Variants in LRRC46 observed in about 807,000 individuals in gnomAD.
LRRC46 encodes the protein leucine-rich repeat-containing protein 46.
Under a neutral mutation model 28.0 loss-of-function variants are expected in LRRC46, and 20 were observed. That is an observed-to-expected ratio of 0.71 (90% CI 0.50 to 1.04). The LOEUF (loss-of-function observed/expected upper bound fraction) is 1.04, where lower values mean the gene tolerates loss of function less well. Among genes scored for constraint, LRRC46 ranks in the 50% least tolerant of loss-of-function variants. The pLI is 0.00. For missense variants in LRRC46, 315 were observed against 390.1 expected (o/e 0.81, Z 1.62); for synonymous variants, 156 against 158.8 (o/e 0.98, Z 0.13).
rs1284583014 is a variant in LRRC46 at position 47,837,705 on chromosome 17, A to G, written c.*585A>G. 1.9e-6 allele frequency: 2 copies of G among 1,067,170 alleles called. No individual in the cohort carries two copies. The highest frequency in any genetic ancestry group is 1.8e-5 in the South Asian group (1 of 54,138). The allele number at this position is 1,067,170 out of a possible 1,614,324, so 66.1% of individuals were successfully genotyped here. A position where few individuals can be genotyped will look rare whatever the true frequency, so the allele number is the denominator to read the frequency against. ...GTTCACTGAAGAGAAAATAAAGCACATTTATTAAGGCAAAGGCCAAGCTGG... is the reference window on the plus strand; with the variant it reads ...GTTCACTGAAGAGAAAATAAAGCACGTTTATTAAGGCAAAGGCCAAGCTGG... On this transcript the variant is annotated 3_prime_UTR_variant, in exon 8 of 8. Coordinates refer to ENST00000269025, the MANE Select transcript of LRRC46 (RefSeq NM_033413.4).
At position 47,837,350 on chromosome 17, in the gene LRRC46, G is replaced by A. The variant is rs1567954662; in HGVS notation, c.*230G>A. On this transcript the variant is annotated 3_prime_UTR_variant, in exon 8 of 8. Transcript: ENST00000269025. Reference sequence around the variant, plus strand: ...AAAGAGCGAGTCTGGAATCTTTCGGGAGCTACCCACAGGGCAGGCATGCCT... The same window carrying A: ...AAAGAGCGAGTCTGGAATCTTTCGGAAGCTACCCACAGGGCAGGCATGCCT... 6.8e-6 allele frequency: 4 copies of A among 589,890 alleles called. No individual in the cohort carries two copies. The East Asian group carries it at 1.4e-4, about 21-fold the overall frequency. 36.5% of individuals were successfully genotyped at this position (589,890 alleles called of 1,614,324 possible). A position where few individuals can be genotyped will look rare whatever the true frequency, so the allele number is the denominator to read the frequency against.
In LRRC46 at chr17:47,837,585, A is replaced by G; in HGVS notation, c.*465A>G. 2.0e-6 allele frequency: 1 copy of G among 501,682 alleles called. No homozygotes were observed. The highest frequency in any genetic ancestry group is 3.5e-6 in the Non-Finnish European group (1 of 288,378). The allele number at this position is 501,682 out of a possible 1,614,324, so 31.1% of individuals were successfully genotyped here. On this transcript the variant is annotated 3_prime_UTR_variant, in exon 8 of 8. Transcript: ENST00000269025. Reference sequence around the variant, plus strand: ...CCCAGTCCCCATCACTCACCCACTCATAGGAATGAGTACACAACCACAGGC... The same window carrying G: ...CCCAGTCCCCATCACTCACCCACTCGTAGGAATGAGTACACAACCACAGGC...
chr17:47,832,845 T>C lies in LRRC46; in HGVS notation c.116+640T>C, dbSNP rs534131932. Among the ~76,000 whole-genome samples the C allele has an allele frequency of 3.9e-5, 6 of 152,354 alleles. No homozygotes were observed. In the East Asian group the frequency reaches 9.6e-4, roughly 24 times the overall value. On this transcript the variant is annotated intron_variant, in intron 2 of 7. Coordinates refer to ENST00000269025, the MANE Select transcript of LRRC46 (RefSeq NM_033413.4). The stretch of plus-strand genomic sequence containing the variant: ...ACAAATCTAATCAGGCATTCACTGA[T>C]AGAAACTTCCTCCCAAATAAATCCC...
Position 47,834,496 on chromosome 17 carries a change from A to G in LRRC46, c.188A>G (p.Glu63Gly). 1 of 1,613,508 alleles carries G rather than the reference A, an allele frequency of 6.2e-7. No individual in the cohort carries two copies. The highest frequency in any genetic ancestry group is 8.5e-7 in the Non-Finnish European group (1 of 1,179,568). Residue 63 changes from glutamate to glycine, a missense_variant, in exon 3 of 8, where the codon GAA (glutamate) becomes GGA (glycine). By Grantham distance (98) the Glu-to-Gly change is moderately conservative. Transcript: ENST00000269025. ...GGGATTACTACTATCAGGAACTTAG[A>G]AGGCCTCCAGAATCTTCACAGTCTC... The part of the protein sequence containing the change: ...REGITTIRNL[E>G]GLQNLHSLYL...
Position 47,837,211 on chromosome 17 carries a change from A to G in LRRC46, c.*91A>G, listed in dbSNP as rs1243062231. On this transcript the variant is annotated 3_prime_UTR_variant, in exon 8 of 8. Coordinates refer to ENST00000269025, the MANE Select transcript of LRRC46 (RefSeq NM_033413.4). ...CCTGTGACAGAAGCCCATCCCCAGT[A>G]AAGTGTCTCTAGGCCCTGAGTATGC... 4.6e-6 allele frequency: 7 copies of G among 1,528,126 alleles called. No individual in the cohort carries two copies. The highest frequency in any genetic ancestry group is 2.2e-5 in the Admixed American group (1 of 44,814). The allele number at this position is 1,528,126 out of a possible 1,614,324, so 94.7% of individuals were successfully genotyped here.
Position 47,836,572 on chromosome 17 carries a change from G to T in LRRC46, c.595+97G>T. The T allele has an allele frequency of 6.5e-7, 1 of 1,536,736 alleles. No homozygotes were observed. Among genetic ancestry groups the T allele is most frequent in the Non-Finnish European group, 8.8e-7 (1 of 1,138,206 alleles). On this transcript the variant is annotated intron_variant, in intron 7 of 7. Coordinates refer to ENST00000269025, the MANE Select transcript of LRRC46 (RefSeq NM_033413.4). The surrounding 1 kb of genome is among the most constrained non-coding windows in gnomAD (Gnocchi z 5.8). Reference sequence around the variant, plus strand: ...AGGTGGCAGTGGCGTCCGGGGAGGGGAGCCCCAAGTTCAGATCAACATCTG... The same window carrying T: ...AGGTGGCAGTGGCGTCCGGGGAGGGTAGCCCCAAGTTCAGATCAACATCTG...
Position 47,837,059 on chromosome 17 carries a change from A to G in LRRC46, c.905A>G (p.Lys302Arg). 1 of 1,607,758 alleles carries G rather than the reference A, an allele frequency of 6.2e-7. No individual in the cohort carries two copies. The highest frequency in any genetic ancestry group is 8.5e-7 in the Non-Finnish European group (1 of 1,178,502). Reference sequence around the variant, plus strand: ...GGGGCACGAGCAGCCACAGCCCCCAAGGCCTCTGTGGCTGAGGCCCCCAGC... The same window carrying G: ...GGGGCACGAGCAGCCACAGCCCCCAGGGCCTCTGTGGCTGAGGCCCCCAGC... Reference protein sequence around the residue: ...RKGARAATAPKASVAEAPSTT... With the variant: ...RKGARAATAPRASVAEAPSTT... The change falls in exon 8 of 8, where the codon AAG becomes AGG. Residue 302 changes from lysine to arginine, a missense_variant. Coordinates refer to ENST00000269025, the MANE Select transcript of LRRC46 (RefSeq NM_033413.4).
intron 2 of LRRC46, 76 bp downstream of exon 2, chr17:47,832,281 T>C: frequency 2.9e-6 from 3 of 1,048,106 alleles, no homozygotes; most frequent in Non-Finnish European, 4.1e-6. Flanking sequence ...CGTGTACTGA[T>C]TTGTCAACTG....
In LRRC46 at chr17:47,836,518, C is replaced by T. The variant is rs2033699338; in HGVS notation, c.595+43C>T. 1 of 1,603,556 alleles carries T rather than the reference C, an allele frequency of 6.2e-7. No individual in the cohort carries two copies. The highest frequency in any genetic ancestry group is 2.2e-5 in the East Asian group (1 of 44,768). ...GGTTTTCAGCCTCCCCAGAGCCCAC[C>T]TCTGCCCTGTGGGACATGAGGGAAG... On this transcript the variant is annotated intron_variant, in intron 7 of 7. Transcript: ENST00000269025. This position sits in a 1 kb window ranked among gnomAD's most constrained non-coding sequence, Gnocchi z 5.8.
chr17:47,835,539 GA>G (rs750458049), intron 4 of LRRC46, 126 bp from the exon 5 acceptor site: 173 of 1,360,330 alleles, frequency 1.3e-4, no homozygotes, highest in Non-Finnish European at 1.8e-4. Context: ...CCTCACCCCA[GA>G]AGGCCATGTG....
rs758576611 is a variant in LRRC46, at chr17:47,835,373, G to C, written c.246G>C (p.Glu82Asp). Reference protein sequence around the residue: ...YLQGNKIQQIENLACIPSLRF... With the variant: ...YLQGNKIQQIDNLACIPSLRF... ...TGCAGAATAAGATCCAGCAAATTGA[G>C]AACCTGGCTTGCATCCCCTCCTTGC... The change falls in exon 4 of 8, where the codon GAG (glutamate) becomes GAC (aspartate). Residue 82 changes from glutamate (E) to aspartate (D), a missense_variant. By Grantham distance (45) the Glu-to-Asp change is conservative. Transcript: ENST00000269025. The C allele has an allele frequency of 1.9e-6, 3 of 1,614,192 alleles. No homozygotes were observed. Among genetic ancestry groups the C allele is most frequent in the Non-Finnish European group, 2.5e-6 (3 of 1,180,042 alleles).
rs747068804 is a variant in LRRC46, at chr17:47,835,275, T to C, written c.226-78T>C. On this transcript the variant is annotated intron_variant, in intron 3 of 7. Coordinates refer to ENST00000269025, the MANE Select transcript of LRRC46 (RefSeq NM_033413.4). ...CTCCAGCTGCAGAGTAGACATGGTC[T>C]TGGGGCTTTGTCCCCGTAAAGGGCC... 12 of 1,442,664 alleles carry C rather than the reference T, an allele frequency of 8.3e-6. No individual in the cohort carries two copies. In the Admixed American group the frequency reaches 1.8e-4, roughly 22 times the overall value. 89.4% of individuals were successfully genotyped at this position (1,442,664 alleles called of 1,614,324 possible).
At position 47,836,287 on chromosome 17, in the gene LRRC46, C is replaced by T. The variant is rs11654648; in HGVS notation, c.453-46C>T. Reference sequence around the variant, plus strand: ...GTGGTGCGTGTCTTTGCATCCTCCACGCCAGGGTGCCCTCCTGGGTAACCT... The same window carrying T: ...GTGGTGCGTGTCTTTGCATCCTCCATGCCAGGGTGCCCTCCTGGGTAACCT... On this transcript the variant is annotated intron_variant, in intron 6 of 7. Coordinates refer to ENST00000269025, the MANE Select transcript of LRRC46 (RefSeq NM_033413.4). The surrounding 1 kb of genome is among the most constrained non-coding windows in gnomAD (Gnocchi z 5.8). The T allele has an allele frequency of 0.064, 102,918 of 1,608,844 alleles. 3,588 individuals carry two copies. Among genetic ancestry groups the T allele is most frequent in the Non-Finnish European group, 0.073 (85,567 of 1,177,618 alleles).
rs1354220602 is a variant in LRRC46, at chr17:47,836,676, C to T, written c.596-74C>T. 6.4e-7 allele frequency: 1 copy of T among 1,570,172 alleles called. No homozygotes were observed. The highest frequency in any genetic ancestry group is 1.4e-5 in the African/African-American group (1 of 72,604). On this transcript the variant is annotated intron_variant, in intron 7 of 7. Transcript: ENST00000269025. The surrounding 1 kb of genome is among the most constrained non-coding windows in gnomAD (Gnocchi z 5.8). ...GGACAAGGGGCCAGCCAGAGACTTCCCTGAGCCCAGGGACCCTCCTGCTGA... is the reference window on the plus strand; with the variant it reads ...GGACAAGGGGCCAGCCAGAGACTTCTCTGAGCCCAGGGACCCTCCTGCTGA...
At chr17:47,832,282 T>C in intron 2 of LRRC46, 77 bp downstream of exon 2, 1 of 1,038,584 alleles carries the variant, frequency 9.6e-7, no homozygotes, top group Non-Finnish European at 1.4e-6. Flanking sequence ...GTGTACTGAT[T>C]TGTCAACTGA....
chr17:47,833,682 C>T (rs1263869783), intron 2 of LRRC46, among the ~76,000 whole-genome samples: 1 of 151,660 alleles, frequency 6.6e-6, no homozygotes, highest in Non-Finnish European at 1.5e-5. Flanking sequence ...GAACTCCTGA[C>T]CTCAGGCAAT....
At chr17:47,835,297 G>C in intron 3 of LRRC46, 56 bp from the exon 4 acceptor site, 2 of 1,579,206 alleles carry the variant, frequency 1.3e-6, no homozygotes, top group African/African-American at 2.7e-5. Context: ...CCCCGTAAAG[G>C]GCCCCTGACG....
At chr17:47,832,055 C>T (rs1459164383) in intron 1 of LRRC46, 45 bp from the exon 2 acceptor site, 2 of 1,613,896 alleles carry the variant, frequency 1.2e-6, no homozygotes, top group South Asian at 2.2e-5. Flanking sequence ...GGGGTAAGGC[C>T]TCCAAGAGTG....
intron 2 of LRRC46, chr17:47,833,982 T>C: frequency 1.0e-6 from 1 of 986,654 alleles, no homozygotes; most frequent in South Asian, 4.7e-5. Context: ...CTCAGCAATG[T>C]TGTGGAATGA....
Sources: gnomAD v4.1 joint callset for allele counts (sites outside exome capture counted in the v4.1 genomes callset) on GRCh38, gnomAD v4.1.1 for gene constraint, Gnocchi (gnomAD v3.1) non-coding constraint, MANE v1.5 for transcripts, NCBI Gene and HGNC (gene_info 2026-07-23, HGNC 2026-07-21) for gene names.